The following COLEC11 variants were observed in gnomAD, a reference collection of about 807,000 sequenced individuals.
COLEC11 encodes collectin-11.
Under a neutral mutation model 27.3 loss-of-function variants are expected in COLEC11, and 20 were observed. The ratio of observed to expected loss-of-function variants is 0.73; its 90% CI spans 0.51 to 1.06. The LOEUF (loss-of-function observed/expected upper bound fraction) is 1.06, where lower values mean the gene tolerates loss of function less well. Ranked by LOEUF, COLEC11 falls within the 50% of genes least tolerant of loss-of-function variation. The probability of loss-of-function intolerance (pLI) is 0.00; values close to 1 mark genes in which losing one functional copy is unlikely to be tolerated. For synonymous variants in COLEC11, 163 were observed against 154.7 expected (o/e 1.05, Z -0.40); for missense variants, 310 against 383.0 (o/e 0.81, Z 1.59).
intron 4 of COLEC11, among the ~76,000 whole-genome samples, chr2:3,638,931 T>C (rs1665644015): frequency 6.6e-6 from 1 of 152,180 alleles, no homozygotes; most frequent in African/African-American, 2.4e-5. Context: ...TTTTCATCTC[T>C]CCAAAGAGAG....
chr2:3,632,574 T>C (rs1665100558), intron 3 of COLEC11, among the ~76,000 whole-genome samples: 1 of 152,230 alleles, frequency 6.6e-6, no homozygotes, highest in Non-Finnish European at 1.5e-5. Context: ...GGCCCACCTG[T>C]GTGACCTCTT....
At chr2:3,620,542 T>G (rs139775684) in intron 3 of COLEC11, among the ~76,000 whole-genome samples, 1 of 152,280 alleles carries the variant, frequency 6.6e-6, no homozygotes, top group African/African-American at 2.4e-5. Context: ...CTCTCTTTGA[T>G]TATTTCTGCT....
chr2:3,638,889 G>A (rs1665642663), intron 4 of COLEC11, among the ~76,000 whole-genome samples: 1 of 152,198 alleles, frequency 6.6e-6, no homozygotes, highest in Non-Finnish European at 1.5e-5. Context: ...CATTTGCAAT[G>A]GTGTACAGCC....
At chr2:3,630,159 ATG>A (rs1300749779) in intron 3 of COLEC11, among the ~76,000 whole-genome samples, 16 of 152,246 alleles carry the variant, frequency 1.1e-4, no homozygotes, top group African/African-American at 9.6e-5. Context: ...GCATGTGTGT[ATG>A]TATGCATATA....
chr2:3,597,674 T>TA (rs80108593), intron 1 of COLEC11, among the ~76,000 whole-genome samples: 9,734 of 141,502 alleles, frequency 0.069, 307 homozygotes, highest in African/African-American at 0.096. Flanking sequence ...CCTGAGACAT[T>TA]AAAAAAAAAA....
chr2:3,643,378 C>A, intron 5 of COLEC11, 66 bp from the exon 6 acceptor site: 2 of 1,342,928 alleles, frequency 1.5e-6, no homozygotes, highest in Non-Finnish European at 2.1e-6. Context: ...GGGGAGGGGT[C>A]CTCGCCTCTC....
At chr2:3,611,974 C>A (rs62107196) in intron 2 of COLEC11, among the ~76,000 whole-genome samples, 101,661 of 150,174 alleles carry the variant, frequency 0.68, 34,509 homozygotes, top group South Asian at 0.83. Context: ...GAGTTATACT[C>A]TATATGCTCT....
chr2:3,637,735 G>T, intron 4 of COLEC11, 131 bp downstream of exon 4: 1 of 794,144 alleles, frequency 1.3e-6, no homozygotes. Flanking sequence ...TGGTAGATAA[G>T]AAATCTACTG....
chr2:3,613,760 G>A (rs115888938), intron 3 of COLEC11, among the ~76,000 whole-genome samples: 3,627 of 152,226 alleles, frequency 0.024, 152 homozygotes, highest in African/African-American at 0.081. Context: ...ATCACTTTGC[G>A]TCTGTCTCCT....
At chr2:3,603,848 C>T in intron 1 of COLEC11, 2 of 622,362 alleles carry the variant, frequency 3.2e-6, no homozygotes, top group Non-Finnish European at 2.8e-6. Context: ...GGCGTGGATT[C>T]CTTGTCTGTG....
chr2:3,607,105 A>C (rs114549304), intron 2 of COLEC11, among the ~76,000 whole-genome samples: 1,519 of 147,856 alleles, frequency 0.01, 16 homozygotes, highest in Non-Finnish European at 0.017. Flanking sequence ...TGTGTTTTGG[A>C]TCCTGAAACC....
At chr2:3,613,015 G>A (rs1181008881) in intron 2 of COLEC11, among the ~76,000 whole-genome samples, 4 of 152,254 alleles carry the variant, frequency 2.6e-5, no homozygotes, top group African/African-American at 9.6e-5. Context: ...GTTTAGACGC[G>A]GCACTGTGCA....
intron 3 of COLEC11, among the ~76,000 whole-genome samples, chr2:3,614,470 C>T (rs1367276): frequency 0.57 from 86,323 of 151,996 alleles, 27,350 homozygotes; most frequent in South Asian, 0.74. Flanking sequence ...TTGAGATTAC[C>T]GTGCAATCAG....
At chr2:3,601,192 G>A (rs1455235071) in intron 1 of COLEC11, among the ~76,000 whole-genome samples, 2 of 152,238 alleles carry the variant, frequency 1.3e-5, no homozygotes, top group African/African-American at 4.8e-5. Flanking sequence ...GCCGGGATTT[G>A]AGTAGGGTCG....
intron 3 of COLEC11, among the ~76,000 whole-genome samples, chr2:3,631,059 CA>C (rs1376364324): frequency 6.6e-6 from 1 of 152,114 alleles, no homozygotes; most frequent in African/African-American, 2.4e-5. Flanking sequence ...GGTGAAACCC[CA>C]TCTCTACTAA....
intron 3 of COLEC11, among the ~76,000 whole-genome samples, chr2:3,633,371 T>C (rs1431614028): frequency 2.6e-5 from 4 of 152,214 alleles, no homozygotes; most frequent in Admixed American, 2.6e-4. Context: ...TTGAGAGCAT[T>C]TGGCCTTTAG....
intron 3 of COLEC11, among the ~76,000 whole-genome samples, chr2:3,622,805 C>A (rs866857930): frequency 2.6e-5 from 4 of 152,148 alleles, no homozygotes; most frequent in African/African-American, 9.7e-5. Flanking sequence ...AAAAGAATTT[C>A]TTTTCTTTAT....
intron 3 of COLEC11, among the ~76,000 whole-genome samples, chr2:3,625,330 C>T (rs1247501040): frequency 2.0e-5 from 3 of 152,150 alleles, no homozygotes; most frequent in African/African-American, 4.8e-5. Context: ...GGAGGGTGAG[C>T]CTGAGGCAGG....
intron 3 of COLEC11, 86 bp from the exon 4 acceptor site, chr2:3,637,447 G>A (rs1665506097): frequency 4.1e-6 from 4 of 977,788 alleles, no homozygotes; most frequent in Non-Finnish European, 6.7e-6. Flanking sequence ...AAGGAGGGCG[G>A]TCGGGTTATC....
Sources: gnomAD v4.1 joint callset for allele counts (sites outside exome capture counted in the v4.1 genomes callset) on GRCh38, gnomAD v4.1.1 for gene constraint, MANE v1.5 for transcripts, NCBI Gene and HGNC (gene_info 2026-07-23, HGNC 2026-07-21) for gene names.